ACTN2: variants seen among roughly 807,000 people sequenced by gnomAD.
ACTN2 encodes alpha-actinin-2.
In ACTN2, 39 loss-of-function variants were observed where a neutral mutation model predicts 113.8. The observed-to-expected ratio is 0.34, with a 90% CI of 0.27 to 0.45. The LOEUF (loss-of-function observed/expected upper bound fraction) is 0.45. ACTN2 is among the 20% of genes least tolerant of loss of function. The pLI, the probability that ACTN2 is intolerant of heterozygous loss-of-function variation, is 1.00. For missense variants in ACTN2, 992 were observed against 1,177.9 expected (o/e 0.84, Z 2.31); for synonymous variants, 429 against 444.1 (o/e 0.97, Z 0.43).
intron 1 of ACTN2, among the ~76,000 whole-genome samples, chr1:236,699,888 G>A (rs981808575): frequency 6.6e-6 from 1 of 152,134 alleles, no homozygotes; most frequent in Non-Finnish European, 1.5e-5. Flanking sequence ...AAGTTTGAAT[G>A]GTTAATAAAA....
chr1:236,752,632 A>G (rs991762565), intron 15 of ACTN2, among the ~76,000 whole-genome samples: 27 of 151,976 alleles, frequency 1.8e-4, no homozygotes, highest in Admixed American at 6.6e-5. Flanking sequence ...GCTCATTGCA[A>G]CCTCTTCCTC....
rs549060542 is a variant in ACTN2 at position 236,731,018 on chromosome 1, A to G, written c.616-215A>G. Among the ~76,000 whole-genome samples the G allele has an allele frequency of 4.6e-5, 7 of 152,190 alleles. No homozygotes were observed. In the South Asian group the frequency reaches 1.2e-3, roughly 27 times the overall value. On this transcript the variant is annotated intron_variant, in intron 6 of 20. Transcript: ENST00000366578. ...TTAAACTCTTTGTTCACACTTTATGATTGGAGTGTGCATGGATTTTGTGGT... is the reference window on the plus strand; with the variant it reads ...TTAAACTCTTTGTTCACACTTTATGGTTGGAGTGTGCATGGATTTTGTGGT...
rs374278766 is a variant in ACTN2 at position 236,762,475 on chromosome 1, G to A, written c.2541G>A (p.Ala847=). 66 of 1,614,144 alleles carry A rather than the reference G, an allele frequency of 4.1e-5. No homozygotes were observed. Among genetic ancestry groups the A allele is most frequent in the African/African-American group, 1.2e-4 (9 of 75,058 alleles). Reference sequence around the variant, plus strand: ...TTTTTTCCCAGCCATACATCCTGGCGGAGGAGCTGCGTCGGGAGCTGCCCC... The same window carrying A: ...TTTTTTCCCAGCCATACATCCTGGCAGAGGAGCTGCGTCGGGAGCTGCCCC... ...ILASDKPYIL[A]EELRRELPPD... is the part of the protein sequence containing the mutation. The change falls in exon 21 of 21, where the codon GCG becomes GCA. Residue 847 remains alanine (A), a synonymous_variant. Transcript: ENST00000366578.
At chr1:236,708,118 G>T (rs764219427) in intron 1 of ACTN2, among the ~76,000 whole-genome samples, 14 of 152,028 alleles carry the variant, frequency 9.2e-5, no homozygotes, top group Admixed American at 2.0e-4. Flanking sequence ...TTTAAGGCCT[G>T]TGTTTTTTTA....
rs1426433970 is a variant in ACTN2, at chr1:236,754,492, G to T, written c.1974+411G>T. 6.6e-6 allele frequency among the ~76,000 whole-genome samples: 1 copy of T among 152,198 alleles called. No homozygotes were observed. Among genetic ancestry groups the T allele is most frequent in the African/African-American group, 2.4e-5 (1 of 41,446 alleles). On this transcript the variant is annotated intron_variant, in intron 16 of 20. Coordinates refer to ENST00000366578, the MANE Select transcript of ACTN2 (RefSeq NM_001103.4). This position sits in a 1 kb window ranked among gnomAD's most constrained non-coding sequence, Gnocchi z 4.9. The stretch of plus-strand genomic sequence containing the variant: ...ACAGTGGTCTTTAAGTAACCCTGTT[G>T]TCCTTTGATCACCAAGAACAGCCAG...
chr1:236,719,125 C>T (rs1004436349), intron 3 of ACTN2, 112 bp downstream of exon 3: 1 of 1,476,510 alleles, frequency 6.8e-7, no homozygotes, highest in Non-Finnish European at 9.3e-7. Flanking sequence ...ACTGTACCTG[C>T]CTTGTATCAG....
At position 236,739,314 on chromosome 1, in the gene ACTN2, A is replaced by G; in HGVS notation, c.889A>G (p.Ile297Val). The change falls in exon 10 of 21, where the codon ATT becomes GTT. Residue 297 changes from isoleucine to valine, a missense_variant. Physicochemically the swap from Ile to Val is conservative, Grantham distance 29. Around this residue, in one of 3 missense-constraint regions of ACTN2, gnomAD observed 736 missense variants for 815.4 expected, o/e 0.90. Transcript: ENST00000366578. ...GTTTGCGGAGCAGCTTTTGGAATGG[A>G]TTCGTCGCACGATCCCCTGGCTGGA... ...ERLASELLEW[I>V]RRTIPWLENR... 6.2e-7 allele frequency: 1 copy of G among 1,613,706 alleles called. No homozygotes were observed. The highest frequency in any genetic ancestry group is 8.5e-7 in the Non-Finnish European group (1 of 1,179,942).
intron 7 of ACTN2, 138 bp from the exon 8 acceptor site, chr1:236,735,497 C>T (rs571127957): frequency 2.6e-5 from 20 of 771,322 alleles, no homozygotes; most frequent in Non-Finnish European, 3.7e-5. Flanking sequence ...TTCGGGACCA[C>T]GGGCCCATGA....
At chr1:236,700,580 T>C (rs755057601) in intron 1 of ACTN2, among the ~76,000 whole-genome samples, 1 of 152,184 alleles carries the variant, frequency 6.6e-6, no homozygotes, top group African/African-American at 2.4e-5. Flanking sequence ...ATCAGGTTTA[T>C]TGAGATGAGT....
intron 1 of ACTN2, among the ~76,000 whole-genome samples, chr1:236,700,914 C>T (rs958454870): frequency 3.9e-5 from 6 of 152,116 alleles, no homozygotes; most frequent in Admixed American, 3.3e-4. Context: ...TGCTGGGGGG[C>T]CTTTCATTTT....
At chr1:236,741,925 T>A (rs1171093222) in intron 10 of ACTN2, among the ~76,000 whole-genome samples, 1 of 152,094 alleles carries the variant, frequency 6.6e-6, no homozygotes, top group Non-Finnish European at 1.5e-5. Context: ...CAAACGCATC[T>A]CTCCCTCTGC....
At chr1:236,758,004 G>C (rs1241852462) in intron 18 of ACTN2, among the ~76,000 whole-genome samples, 1 of 152,110 alleles carries the variant, frequency 6.6e-6, no homozygotes, top group Non-Finnish European at 1.5e-5. Flanking sequence ...AACTGTTTAG[G>C]AAAAGCATCT....
chr1:236,750,928 A>C (rs1418166431), intron 14 of ACTN2, among the ~76,000 whole-genome samples: 1 of 151,880 alleles, frequency 6.6e-6, no homozygotes, highest in African/African-American at 2.4e-5. Flanking sequence ...GTCTCTGCAA[A>C]AGATAAAAAA....
At chr1:236,690,921 C>A (rs1014635273) in intron 1 of ACTN2, among the ~76,000 whole-genome samples, 1 of 150,662 alleles carries the variant, frequency 6.6e-6, no homozygotes, top group Non-Finnish European at 1.5e-5. Context: ...CCCATTCCCC[C>A]CTCCTCGGGT....
At chr1:236,752,950 A>G (rs1659443950) in intron 15 of ACTN2, among the ~76,000 whole-genome samples, 1 of 152,260 alleles carries the variant, frequency 6.6e-6, no homozygotes. Context: ...AGACAATAAT[A>G]ATGCTTTTAG....
intron 1 of ACTN2, among the ~76,000 whole-genome samples, chr1:236,691,116 G>A (rs1201875501): frequency 6.6e-6 from 1 of 151,416 alleles, no homozygotes; most frequent in Non-Finnish European, 1.5e-5. Flanking sequence ...GCTAATTTTT[G>A]TATTTTTAGT....
At chr1:236,761,347 G>A (rs1659702398) in intron 20 of ACTN2, among the ~76,000 whole-genome samples, 174 bp downstream of exon 20, 1 of 152,204 alleles carries the variant, frequency 6.6e-6, no homozygotes, top group East Asian at 1.9e-4. Context: ...GCCCAGCACA[G>A]AGGAAACAGA....
intron 1 of ACTN2, among the ~76,000 whole-genome samples, chr1:236,693,623 A>G (rs1019564520): frequency 6.6e-6 from 1 of 151,476 alleles, no homozygotes; most frequent in African/African-American, 2.4e-5. Context: ...TTGGGTCACC[A>G]CCTCCCGTGG....
chr1:236,746,980 G>A (rs1028161974), intron 12 of ACTN2, among the ~76,000 whole-genome samples: 1 of 152,128 alleles, frequency 6.6e-6, no homozygotes, highest in African/African-American at 2.4e-5. Context: ...GCCCTTCTAG[G>A]GAAGCCAAGG....
Sources: gnomAD v4.1 joint callset for allele counts (sites outside exome capture counted in the v4.1 genomes callset) on GRCh38, gnomAD v4.1.1 for gene constraint, gnomAD v4.1.1 regional missense constraint, Gnocchi (gnomAD v3.1) non-coding constraint, MANE v1.5 for transcripts, NCBI Gene and HGNC (gene_info 2026-07-23, HGNC 2026-07-21) for gene names.